DAPK1: variants seen among roughly 807,000 people sequenced by gnomAD.
DAPK1 encodes death associated protein kinase 1, also known as death-associated protein kinase 1.
In DAPK1, 56 loss-of-function variants were observed where a neutral mutation model predicts 144.9. That is an observed-to-expected ratio of 0.39 (90% CI 0.31 to 0.48). DAPK1 has a LOEUF of 0.48. DAPK1 is among the 20% of genes least tolerant of loss of function. The pLI, the probability that DAPK1 is intolerant of heterozygous loss-of-function variation, is 0.95. For missense variants in DAPK1, 1,454 were observed against 1,875.4 expected (o/e 0.78, Z 4.15); for synonymous variants, 690 against 749.0 (o/e 0.92, Z 1.29).
intron 13 of DAPK1, among the ~76,000 whole-genome samples, chr9:87,646,914 G>A (rs1830286586): frequency 1.3e-5 from 2 of 152,208 alleles, no homozygotes; most frequent in African/African-American, 2.4e-5. Context: ...TTCTGCAGAC[G>A]TCAGCAGAGC....
chr9:87,614,476 A>G (rs771166937), intron 3 of DAPK1, among the ~76,000 whole-genome samples: 6 of 151,626 alleles, frequency 4.0e-5, no homozygotes, highest in Non-Finnish European at 7.4e-5. Context: ...CTATTCTTAG[A>G]CTCCTTCCCA....
At chr9:87,539,978 G>T (rs1825985679) in intron 2 of DAPK1, among the ~76,000 whole-genome samples, 2 of 151,962 alleles carry the variant, frequency 1.3e-5, no homozygotes, top group South Asian at 4.1e-4. Context: ...ATTCGGATGT[G>T]CCAAAAAGAA....
intron 20 of DAPK1, among the ~76,000 whole-genome samples, chr9:87,683,361 G>A (rs971317315): frequency 3.3e-5 from 5 of 152,128 alleles, no homozygotes; most frequent in East Asian, 1.9e-4. Context: ...GATTACAGGC[G>A]TGAGCCACCG....
chr9:87,621,548 G>T (rs770449256), intron 3 of DAPK1, among the ~76,000 whole-genome samples: 3 of 152,176 alleles, frequency 2.0e-5, no homozygotes, highest in Non-Finnish European at 4.4e-5. Flanking sequence ...CACTCCCATT[G>T]TTGGTGTGCC....
At chr9:87,642,110 T>C (rs1450213871) in intron 10 of DAPK1, 52 bp downstream of exon 10, 1 of 1,479,252 alleles carries the variant, frequency 6.8e-7, no homozygotes, top group South Asian at 1.2e-5. Context: ...CTGTGTAGAG[T>C]AGTGTGTGGT....
intron 3 of DAPK1, among the ~76,000 whole-genome samples, chr9:87,627,457 C>A (rs1474102850): frequency 6.6e-6 from 1 of 152,084 alleles, no homozygotes; most frequent in Non-Finnish European, 1.5e-5. Flanking sequence ...TGGCCAACAC[C>A]TCCTCCCTGC....
intron 2 of DAPK1, among the ~76,000 whole-genome samples, chr9:87,509,901 A>G (rs1433168782): frequency 6.6e-6 from 1 of 152,172 alleles, no homozygotes; most frequent in Non-Finnish European, 1.5e-5. Flanking sequence ...TTCCTTTGCC[A>G]TTCATGGAGG....
intron 2 of DAPK1, among the ~76,000 whole-genome samples, chr9:87,599,595 A>G (rs1443485861): frequency 6.6e-6 from 1 of 152,260 alleles, no homozygotes; most frequent in Non-Finnish European, 1.5e-5. Flanking sequence ...ATGAGTAGTT[A>G]ATAAATGTTT....
intron 3 of DAPK1, among the ~76,000 whole-genome samples, chr9:87,630,427 C>T (rs1314066159): frequency 2.6e-5 from 4 of 152,098 alleles, no homozygotes; most frequent in East Asian, 3.8e-4. Flanking sequence ...GGTTGATGAC[C>T]TCCTCCAGGC....
intron 24 of DAPK1, among the ~76,000 whole-genome samples, chr9:87,701,120 A>G (rs1180576361): frequency 1.3e-5 from 2 of 152,230 alleles, no homozygotes; most frequent in Non-Finnish European, 2.9e-5. Flanking sequence ...GGAAAAGCTT[A>G]GAGGGTATAG....
At chr9:87,518,278 ATTT>A (rs1188386875) in intron 2 of DAPK1, among the ~76,000 whole-genome samples, 120 of 124,580 alleles carry the variant, frequency 9.6e-4, no homozygotes, top group African/African-American at 3.2e-3. Context: ...CACCCAGCTA[ATTT>A]TTTTTTTTTT....
At chr9:87,533,110 G>A (rs1280826195) in intron 2 of DAPK1, among the ~76,000 whole-genome samples, 1 of 152,182 alleles carries the variant, frequency 6.6e-6, no homozygotes, top group African/African-American at 2.4e-5. Flanking sequence ...AAAAAAATAT[G>A]TGTGCCTGTG....
At chr9:87,663,768 C>G (rs1299346246) in intron 18 of DAPK1, among the ~76,000 whole-genome samples, 2 of 152,108 alleles carry the variant, frequency 1.3e-5, no homozygotes, top group Non-Finnish European at 2.9e-5. Flanking sequence ...GCCCTCGGCC[C>G]CCCCACACCA....
chr9:87,639,953 A>C, intron 7 of DAPK1, 138 bp downstream of exon 7: 1 of 901,994 alleles, frequency 1.1e-6, no homozygotes, highest in South Asian at 1.7e-5. Context: ...ACACCCCCAA[A>C]ACATGTTTAG....
chr9:87,576,412 G>A (rs1245347775), intron 2 of DAPK1, among the ~76,000 whole-genome samples: 1 of 152,202 alleles, frequency 6.6e-6, no homozygotes, highest in African/African-American at 2.4e-5. Context: ...TGCTTCTGGG[G>A]ATAGTTTTAT....
chr9:87,593,669 A>T (rs1280316667), intron 2 of DAPK1, among the ~76,000 whole-genome samples: 1 of 152,064 alleles, frequency 6.6e-6, no homozygotes, highest in East Asian at 1.9e-4. Context: ...TCTTTTGGCC[A>T]TGGAATAAGG....
At chr9:87,609,498 C>A (rs1172263093) in intron 3 of DAPK1, among the ~76,000 whole-genome samples, 1 of 151,814 alleles carries the variant, frequency 6.6e-6, no homozygotes, top group African/African-American at 2.4e-5. Context: ...AATTTTTTTT[C>A]TTTTTGCTAT....
intron 2 of DAPK1, among the ~76,000 whole-genome samples, chr9:87,508,444 G>T (rs1475066970): frequency 6.6e-6 from 1 of 151,190 alleles, no homozygotes; most frequent in Non-Finnish European, 1.5e-5. Context: ...CCGGGTTCAC[G>T]CCATTCTCCT....
At chr9:87,598,213 A>AAC (rs1213116268) in intron 2 of DAPK1, among the ~76,000 whole-genome samples, 1 of 152,178 alleles carries the variant, frequency 6.6e-6, no homozygotes, top group Non-Finnish European at 1.5e-5. Context: ...ATCACCCATA[A>AAC]ACCACCACTA....
Sources: allele counts gnomAD v4.1 joint callset (sites outside exome capture counted in the v4.1 genomes callset), GRCh38; gene constraint gnomAD v4.1.1; transcripts MANE v1.5; gene names NCBI Gene and HGNC (gene_info 2026-07-23, HGNC 2026-07-21).